Variants in MROH1 observed in about 807,000 individuals in gnomAD.
MROH1 encodes the protein maestro heat like repeat family member 1.
In MROH1, 117 loss-of-function variants were observed where a neutral mutation model predicts 116.5. That is an observed-to-expected ratio of 1.00 (90% confidence interval 0.86 to 1.17). The LOEUF (loss-of-function observed/expected upper bound fraction) is 1.17, where lower values mean the gene tolerates loss of function less well. Ranked by LOEUF, MROH1 falls within the 50% of genes most tolerant of loss-of-function variation. MROH1 has a pLI of 0.00. For missense variants in MROH1, 1,873 were observed against 1,338.5 expected (o/e 1.40, Z -6.23); for synonymous variants, 921 against 583.9 (o/e 1.58, Z -8.32).
chr8:144,151,187 A>G (rs113075460), intron 1 of MROH1, among the ~76,000 whole-genome samples: 147,095 of 149,194 alleles, frequency 0.99, 72,549 homozygotes, highest in East Asian at 1. Flanking sequence ...GGCGGAGGTT[A>G]CAGTGAGCCG....
intron 10 of MROH1, among the ~76,000 whole-genome samples, chr8:144,198,893 C>A (rs115586654): frequency 2.0e-5 from 3 of 152,090 alleles, no homozygotes; most frequent in African/African-American, 7.2e-5. Context: ...TCTCCCCCAC[C>A]GTAAGGAGAT....
intron 29 of MROH1, among the ~76,000 whole-genome samples, chr8:144,247,016 C>T (rs1842032087): frequency 1.3e-5 from 2 of 152,258 alleles, no homozygotes; most frequent in South Asian, 2.1e-4. Context: ...TGCGTGCCCA[C>T]GTCGGCATGG....
chr8:144,214,738 A>G (rs1415902577), intron 12 of MROH1, among the ~76,000 whole-genome samples: 2 of 151,552 alleles, frequency 1.3e-5, no homozygotes, highest in Non-Finnish European at 2.9e-5. Flanking sequence ...CCATTTTTCT[A>G]TTGGGTTGTT....
intron 4 of MROH1, among the ~76,000 whole-genome samples, chr8:144,172,068 C>T (rs536559167): frequency 5.3e-5 from 8 of 152,188 alleles, no homozygotes; most frequent in Non-Finnish European, 1.0e-4. Flanking sequence ...CATAGCATCA[C>T]GTGATAGATA....
Position 144,241,418 on chromosome 8 carries a change from C to G in MROH1, c.2079C>G (p.Ile693Met). 1 of 778,476 alleles carries G rather than the reference C, an allele frequency of 1.3e-6. No individual in the cohort carries two copies. The highest frequency in any genetic ancestry group is 2.4e-6 in the Non-Finnish European group (1 of 417,690). The allele number at this position is 778,476 out of a possible 1,614,324, so 48.2% of individuals were successfully genotyped here. Residue 693 changes from isoleucine to methionine, a missense_variant, in exon 22 of 44, where the codon ATC becomes ATG. Physicochemically the swap from Ile to Met is conservative, Grantham distance 10. Transcript: ENST00000326134. ...EREGLACCFGICAISHLEDTL... is the reference protein window; with the variant it reads ...EREGLACCFGMCAISHLEDTL... ...AGGGCCTCGCCTGCTGCTTCGGGAT[C>G]TGTGCCATCTCCCACCTCGAGGACA...
rs201360009 is a variant in MROH1, at chr8:144,180,203, C to A, written c.326C>A (p.Ala109Glu). ...GACCTGGTCTGGGACTGGCAGCAGGCGGCGAGTGGCGTCCTGGTGGCCGTG... is the reference window on the plus strand; with the variant it reads ...GACCTGGTCTGGGACTGGCAGCAGGAGGCGAGTGGCGTCCTGGTGGCCGTG... ...TKDLVWDWQQ[A>E]ASGVLVAVGR... Residue 109 changes from alanine to glutamate, a missense_variant, in exon 6 of 44, where the codon GCG becomes GAG. By Grantham distance (107) the Ala-to-Glu change is moderately radical (BLOSUM62 -1). Coordinates refer to ENST00000326134, the MANE Select transcript of MROH1 (RefSeq NM_032450.3). The surrounding 1 kb of genome is among the most constrained non-coding windows in gnomAD (Gnocchi z 7.4). 90 of 1,613,694 alleles carry A rather than the reference C, an allele frequency of 5.6e-5. No homozygotes were observed. The highest frequency in any genetic ancestry group is 1.6e-4 in the Middle Eastern group (1 of 6,082).
intron 14 of MROH1, among the ~76,000 whole-genome samples, chr8:144,232,582 C>T (rs1346160591): frequency 6.6e-6 from 1 of 151,862 alleles, no homozygotes; most frequent in Non-Finnish European, 1.5e-5. Flanking sequence ...CAACCTCCGC[C>T]TCCCGGGTTC....
At chr8:144,255,853 TGC>T (rs1273010905) in intron 35 of MROH1, 148 bp downstream of exon 35, 2 of 632,362 alleles carry the variant, frequency 3.2e-6, no homozygotes, top group Non-Finnish European at 5.7e-6. Context: ...CTCACCCAGG[TGC>T]AGGGCTGAGC....
chr8:144,198,969 G>A, intron 10 of MROH1, 153 bp from the exon 11 acceptor site: 3 of 680,798 alleles, frequency 4.4e-6, no homozygotes, highest in Non-Finnish European at 7.8e-6. Context: ...GGGCTTGGGT[G>A]AGAAAGAGCC....
In MROH1 at chr8:144,254,740, C is replaced by T. The variant is rs896771313; in HGVS notation, c.3429-73C>T. On this transcript the variant is annotated intron_variant, in intron 33 of 43. Transcript: ENST00000326134. ...CTGAGCGTCGTGGAGCCAGGGTCCA[C>T]GGCACCCAGGTGGCGGGGGGCAGGC... 1.9e-4 allele frequency: 132 copies of T among 705,306 alleles called. No homozygotes were observed. The East Asian group carries it at 2.1e-3, about 11-fold the overall frequency. 43.7% of individuals were successfully genotyped at this position (705,306 alleles called of 1,614,324 possible). A position where few individuals can be genotyped will look rare whatever the true frequency, so the allele number is the denominator to read the frequency against.
chr8:144,202,237 G>T (rs988567599), intron 12 of MROH1, among the ~76,000 whole-genome samples: 1 of 152,012 alleles, frequency 6.6e-6, no homozygotes, highest in Non-Finnish European at 1.5e-5. Context: ...GGAGGCTGGC[G>T]GGGGGAGAGC....
intron 1 of MROH1, among the ~76,000 whole-genome samples, chr8:144,155,048 C>T (rs1817705109): frequency 6.6e-6 from 1 of 152,138 alleles, no homozygotes; most frequent in South Asian, 2.1e-4. Context: ...GAACTCCTGA[C>T]CTCGTGATCC....
At position 144,247,520 on chromosome 8, in the gene MROH1, C is replaced by A. The variant is rs996128789; in HGVS notation, c.3008-47C>A. On this transcript the variant is annotated intron_variant, in intron 30 of 43. Coordinates refer to ENST00000326134, the MANE Select transcript of MROH1 (RefSeq NM_032450.3). ...AGGTGCGGAGTCCAGGCTGTGGGAT[C>A]GCCAGGGAGGGCCTGGGCCCGACTG... is the stretch of plus-strand genomic sequence containing the variant. 22 of 759,574 alleles carry A rather than the reference C, an allele frequency of 2.9e-5. No individual in the cohort carries two copies. In the African/African-American group the frequency reaches 3.4e-4, roughly 12 times the overall value. The allele number at this position is 759,574 out of a possible 1,614,324, so 47.1% of individuals were successfully genotyped here.
chr8:144,151,830 G>T (rs1228922719), intron 1 of MROH1, among the ~76,000 whole-genome samples: 2 of 152,190 alleles, frequency 1.3e-5, no homozygotes, highest in Admixed American at 6.5e-5. Context: ...GAAGCAATTC[G>T]CACCAACGTC....
chr8:144,210,575 G>C (rs1413598318), intron 12 of MROH1, among the ~76,000 whole-genome samples: 1 of 152,132 alleles, frequency 6.6e-6, no homozygotes, highest in Non-Finnish European at 1.5e-5. Context: ...ACCTGTCCCA[G>C]CTACTCAGGA....
Position 144,243,526 on chromosome 8 carries a change from T to C in MROH1, c.2385T>C (p.Ser795=). ...CCCTGAAGCTGTGCCTTGTCCAGAG[T>C]GTGTGCATGGTCAGCCGCGCCATCT... ...DPALKLCLVQ[S]VCMVSRAICS... Residue 795 remains serine, a synonymous_variant, in exon 25 of 44, where the codon AGT becomes AGC. Coordinates refer to ENST00000326134, the MANE Select transcript of MROH1 (RefSeq NM_032450.3). The C allele has an allele frequency of 1.3e-6, 1 of 780,032 alleles. No homozygotes were observed. Among genetic ancestry groups the C allele is most frequent in the Non-Finnish European group, 2.4e-6 (1 of 417,810 alleles). The allele number at this position is 780,032 out of a possible 1,614,324, so 48.3% of individuals were successfully genotyped here. A position where few individuals can be genotyped will look rare whatever the true frequency, so the allele number is the denominator to read the frequency against.
chr8:144,255,814 G>C (rs1400154987), intron 35 of MROH1, 109 bp downstream of exon 35: 4 of 649,860 alleles, frequency 6.2e-6, no homozygotes, highest in South Asian at 1.7e-5. Context: ...GGGAGTGTGG[G>C]AGTGACTTTG....
At chr8:144,204,924 A>G (rs961837994) in intron 12 of MROH1, among the ~76,000 whole-genome samples, 3 of 152,228 alleles carry the variant, frequency 2.0e-5, no homozygotes, top group Admixed American at 6.5e-5. Context: ...TTCAAGTTGC[A>G]TAGATAAACC....
Position 144,259,992 on chromosome 8 carries a change from T to C in MROH1, c.4126T>C (p.Cys1376Arg), listed in dbSNP as rs1844695890. The C allele has an allele frequency of 8.2e-6, 6 of 733,574 alleles. No individual in the cohort carries two copies. The highest frequency in any genetic ancestry group is 4.3e-5 in the South Asian group (3 of 69,402). 45.4% of individuals were successfully genotyped at this position (733,574 alleles called of 1,614,324 possible). A position where few individuals can be genotyped will look rare whatever the true frequency, so the allele number is the denominator to read the frequency against. ...ESLAARQKDT[C>R]ASVRRLVLRG... ...CCTGGCGGCTCGCCAGAAGGACACA[T>C]GCGCCAGCGTGCGGAGGCTGGTGCT... is the stretch of plus-strand genomic sequence containing the variant. The change falls in exon 38 of 44, where the codon TGC becomes CGC. Residue 1376 changes from cysteine to arginine, a missense_variant. Physicochemically the swap from Cys to Arg is radical, Grantham distance 180 (BLOSUM62 -3). Transcript: ENST00000326134.
Sources: allele counts gnomAD v4.1 joint callset (sites outside exome capture counted in the v4.1 genomes callset), GRCh38; gene constraint gnomAD v4.1.1; non-coding constraint Gnocchi (gnomAD v3.1); transcripts MANE v1.5; gene names NCBI Gene and HGNC (gene_info 2026-07-23, HGNC 2026-07-21).